Variants in NRXN3 observed in about 807,000 individuals in gnomAD.
NRXN3 encodes the protein neurexin III.
In NRXN3, 32 loss-of-function variants were observed where a neutral mutation model predicts 137.6. The ratio of observed to expected loss-of-function variants is 0.23; its 90% confidence interval spans 0.18 to 0.31. The LOEUF (loss-of-function observed/expected upper bound fraction) is 0.31. Among genes scored for constraint, NRXN3 ranks in the 10% least tolerant of loss-of-function variants. The probability of loss-of-function intolerance (pLI) is 1.00; values close to 1 mark genes in which losing one functional copy is unlikely to be tolerated. For missense variants in NRXN3, 1,574 were observed against 2,062.5 expected (o/e 0.76, Z 4.59); for synonymous variants, 798 against 784.5 (o/e 1.02, Z -0.29).
In NRXN3 at chr14:79,831,336, G is replaced by A. The variant is rs574652106; in HGVS notation, c.4093+26146G>A. On this transcript the variant is annotated intron_variant, in intron 20 of 20. Coordinates refer to ENST00000335750, the MANE Select transcript of NRXN3 (RefSeq NM_001330195.2). ...CAGATTTCACATGAGAATTGGTCAC[G>A]TACAAGAATGTTAATGCAGAACTAG... is the stretch of plus-strand genomic sequence containing the variant. Among the ~76,000 whole-genome samples, 37 of 152,268 alleles carry A rather than the reference G, an allele frequency of 2.4e-4. No homozygotes were observed. The East Asian group carries it at 7.2e-3, about 29-fold the overall frequency.
At chr14:79,736,100 A>G (rs76045100) in intron 19 of NRXN3, among the ~76,000 whole-genome samples, 32 of 152,298 alleles carry the variant, frequency 2.1e-4, no homozygotes, top group Non-Finnish European at 3.4e-4. Flanking sequence ...CCATCAGACC[A>G]GGATTTCAGT....
chr14:79,567,187 C>A (rs961023400), intron 16 of NRXN3, among the ~76,000 whole-genome samples: 6 of 151,318 alleles, frequency 4.0e-5, no homozygotes, highest in Non-Finnish European at 8.8e-5. Context: ...TATTTTTTGA[C>A]CCTTGAATGA....
rs1184154765 is a variant in NRXN3 at position 79,111,815 on chromosome 14, T to TA, written c.3262+123682dup. 1.1e-4 allele frequency among the ~76,000 whole-genome samples: 16 copies of TA among 151,040 alleles called. 1 individual carries two copies. The highest frequency in any genetic ancestry group is 5.3e-4 in the Admixed American group (8 of 15,140). On this transcript the variant is annotated intron_variant, in intron 15 of 20. Coordinates refer to ENST00000335750, the MANE Select transcript of NRXN3 (RefSeq NM_001330195.2). ...TCAATTTCTTGTATTATTGTGAGAC[T>TA]AAAAAAAATTGGGAAAAAAGGAAAG... is the stretch of plus-strand genomic sequence containing the variant.
chr14:78,865,389 A>C (rs73321687), intron 10 of NRXN3, among the ~76,000 whole-genome samples: 5,691 of 152,280 alleles, frequency 0.037, 344 homozygotes, highest in African/African-American at 0.12. Flanking sequence ...AAGAAGGTTC[A>C]ATGTGCTTGA....
chr14:78,954,767 G>GTTTTTTTTTTTT (rs531410595), intron 10 of NRXN3, among the ~76,000 whole-genome samples: 2 of 130,376 alleles, frequency 1.5e-5, no homozygotes, highest in Non-Finnish European at 1.6e-5. Context: ...ACCTGGCCTG[G>GTTTTTTTTTTTT]TTTTTTTTTT....
chr14:78,528,880 C>G (rs746072658), intron 4 of NRXN3, among the ~76,000 whole-genome samples: 2 of 151,830 alleles, frequency 1.3e-5, no homozygotes, highest in Non-Finnish European at 2.9e-5. Context: ...CTTTTGGTAC[C>G]CCCTTAAATT....
intron 4 of NRXN3, among the ~76,000 whole-genome samples, chr14:78,398,258 A>C (rs897491683): frequency 1.3e-5 from 2 of 150,802 alleles, no homozygotes; most frequent in Admixed American, 1.3e-4. Flanking sequence ...TAACATTTCC[A>C]TCATTTTACT....
At chr14:79,735,309 G>A (rs2098938102) in intron 19 of NRXN3, among the ~76,000 whole-genome samples, 1 of 152,128 alleles carries the variant, frequency 6.6e-6, no homozygotes, top group Non-Finnish European at 1.5e-5. Context: ...ATTTTACAAT[G>A]CAGTATGTTA....
At chr14:79,449,396 G>T (rs1278184494) in intron 15 of NRXN3, among the ~76,000 whole-genome samples, 1 of 151,884 alleles carries the variant, frequency 6.6e-6, no homozygotes, top group Non-Finnish European at 1.5e-5. Flanking sequence ...ACTTCAGTTT[G>T]CTTATTTTCC....
At chr14:78,306,271 C>T (rs8021038) in intron 4 of NRXN3, among the ~76,000 whole-genome samples, 123,636 of 152,094 alleles carry the variant, frequency 0.81, 50,684 homozygotes, top group African/African-American at 0.92. Context: ...TTTATGTCTG[C>T]GTATATATGT....
At chr14:78,917,153 A>G (rs1478217343) in intron 10 of NRXN3, among the ~76,000 whole-genome samples, 1 of 152,220 alleles carries the variant, frequency 6.6e-6, no homozygotes, top group Non-Finnish European at 1.5e-5. Context: ...AGAGACCGTA[A>G]GAATATTCGA....
intron 10 of NRXN3, among the ~76,000 whole-genome samples, chr14:78,891,550 A>C (rs927952376): frequency 1.3e-5 from 2 of 151,940 alleles, no homozygotes; most frequent in Non-Finnish European, 2.9e-5. Flanking sequence ...AGCTGAGGCA[A>C]TATATTACAT....
chr14:79,556,081 C>T (rs886121827), intron 16 of NRXN3, among the ~76,000 whole-genome samples: 16 of 152,114 alleles, frequency 1.1e-4, no homozygotes, highest in African/African-American at 3.9e-4. Context: ...ATCACATTAT[C>T]TACACAGACA....
rs760570209 is a variant in NRXN3, at chr14:78,631,806, C to A, written c.758-13314C>A. ...CAGCATCTGTAAATGGTTAAAGGAG[C>A]ATTAGACTCAATGTATCAGGCTCAT... On this transcript the variant is annotated intron_variant, in intron 4 of 20. Transcript: ENST00000335750. 1.0e-3 allele frequency among the ~76,000 whole-genome samples: 156 copies of A among 151,972 alleles called. 1 individual carries two copies. Among genetic ancestry groups the A allele is most frequent in the Non-Finnish European group, 1.6e-3 (106 of 67,974 alleles).
chr14:78,999,769 C>T (rs963358737), intron 15 of NRXN3, among the ~76,000 whole-genome samples: 4 of 152,070 alleles, frequency 2.6e-5, no homozygotes, highest in Non-Finnish European at 5.9e-5. Context: ...GGGAAAACAC[C>T]GCTATAACAT....
intron 4 of NRXN3, among the ~76,000 whole-genome samples, chr14:78,379,993 G>A (rs1487124212): frequency 6.6e-6 from 1 of 152,064 alleles, no homozygotes; most frequent in Non-Finnish European, 1.5e-5. Context: ...ATTTATAATG[G>A]CTCAGAAAAT....
intron 15 of NRXN3, among the ~76,000 whole-genome samples, chr14:79,068,808 G>C (rs983525615): frequency 6.6e-6 from 1 of 151,996 alleles, no homozygotes; most frequent in Non-Finnish European, 1.5e-5. Context: ...TCTAAATAAC[G>C]TACTCCAGTG....
At chr14:78,976,625 T>A (rs1164580989) in intron 14 of NRXN3, among the ~76,000 whole-genome samples, 1 of 152,228 alleles carries the variant, frequency 6.6e-6, no homozygotes, top group African/African-American at 2.4e-5. Context: ...TTATAAAATA[T>A]AGTACTTGAC....
At chr14:79,535,802 G>A (rs1166727169) in intron 16 of NRXN3, among the ~76,000 whole-genome samples, 1 of 152,116 alleles carries the variant, frequency 6.6e-6, no homozygotes, top group African/African-American at 2.4e-5. Context: ...AGGAACTTCT[G>A]GTCTCTCCAG....
Sources: allele counts gnomAD v4.1 joint callset (sites outside exome capture counted in the v4.1 genomes callset), GRCh38; gene constraint gnomAD v4.1.1; transcripts MANE v1.5; gene names NCBI Gene and HGNC (gene_info 2026-07-23, HGNC 2026-07-21).